The following CNTLN variants were observed in gnomAD, a reference collection of about 807,000 sequenced individuals.
CNTLN encodes centlein.
A neutral mutation model predicts 180.0 loss-of-function variants in CNTLN; 212 were observed. That is an observed-to-expected ratio of 1.18 (90% CI 1.05 to 1.32). The LOEUF (loss-of-function observed/expected upper bound fraction) is 1.32. Among genes scored for constraint, CNTLN ranks in the 40% most tolerant of loss-of-function variants. CNTLN has a pLI of 0.00. For missense variants in CNTLN, 2,095 were observed against 1,610.9 expected, an observed-to-expected ratio of 1.30 and a Z score of -5.14; for synonymous variants, 722 against 563.1, an observed-to-expected ratio of 1.28 and a Z score of -3.99.
intron 5 of CNTLN, among the ~76,000 whole-genome samples, chr9:17,270,714 A>G (rs1827871868): frequency 6.6e-6 from 1 of 152,130 alleles, no homozygotes; most frequent in South Asian, 2.1e-4. Flanking sequence ...CTTTAGGACC[A>G]GATAAGGTGT....
At chr9:17,393,456 T>C (rs1313835514) in intron 14 of CNTLN, among the ~76,000 whole-genome samples, 1 of 152,238 alleles carries the variant, frequency 6.6e-6, no homozygotes, top group Admixed American at 6.5e-5. Flanking sequence ...TTGTTCATTT[T>C]CCATACACGT....
At chr9:17,472,208 ATACT>A (rs1374822000) in intron 23 of CNTLN, among the ~76,000 whole-genome samples, 1 of 152,114 alleles carries the variant, frequency 6.6e-6, no homozygotes, top group Non-Finnish European at 1.5e-5. Flanking sequence ...CTCTTTAATG[ATACT>A]TACATGGTAC....
At chr9:17,403,801 A>T (rs950756789) in intron 15 of CNTLN, among the ~76,000 whole-genome samples, 1 of 151,666 alleles carries the variant, frequency 6.6e-6, no homozygotes, top group Non-Finnish European at 1.5e-5. Flanking sequence ...TTTGAGACAG[A>T]GTCTCGCTCT....
intron 18 of CNTLN, among the ~76,000 whole-genome samples, chr9:17,434,164 A>T (rs1829615548): frequency 6.6e-6 from 1 of 152,138 alleles, no homozygotes; most frequent in South Asian, 2.1e-4. Context: ...TGCTAGAAAC[A>T]ACAATTTAGT....
At chr9:17,406,800 ATT>A (rs1827427173) in intron 15 of CNTLN, among the ~76,000 whole-genome samples, 1 of 151,818 alleles carries the variant, frequency 6.6e-6, no homozygotes, top group Admixed American at 6.6e-5. Flanking sequence ...TGAATAAAGA[ATT>A]ATAAAGAGAA....
chr9:17,149,192 C>T (rs1818666180), intron 2 of CNTLN, among the ~76,000 whole-genome samples: 1 of 152,080 alleles, frequency 6.6e-6, no homozygotes, highest in African/African-American at 2.4e-5. Context: ...GTATATGTGC[C>T]ACATTTTCTT....
chr9:17,161,558 T>C (rs1819679264), intron 2 of CNTLN, among the ~76,000 whole-genome samples: 3 of 152,224 alleles, frequency 2.0e-5, no homozygotes, highest in Admixed American at 1.3e-4. Context: ...TTTCTTTGAA[T>C]AACTACAAAT....
intron 2 of CNTLN, among the ~76,000 whole-genome samples, chr9:17,213,485 C>G (rs1211236855): frequency 6.6e-6 from 1 of 152,094 alleles, no homozygotes. Context: ...ACTATGTGGT[C>G]AATTTTGGAA....
At chr9:17,492,532 G>C (rs1833220994) in intron 25 of CNTLN, among the ~76,000 whole-genome samples, 1 of 152,088 alleles carries the variant, frequency 6.6e-6, no homozygotes. Flanking sequence ...GTCAGCATGG[G>C]AAACAAATGG....
chr9:17,368,786 C>A (rs1282742598), intron 13 of CNTLN, among the ~76,000 whole-genome samples: 2 of 152,202 alleles, frequency 1.3e-5, no homozygotes, highest in Non-Finnish European at 2.9e-5. Flanking sequence ...CCCAGTCTTA[C>A]TGGACTTGGG....
In CNTLN at chr9:17,342,528, CTT is replaced by C. The variant is rs1316321218; in HGVS notation, c.1886+86_1886+87del. 4 of 1,206,260 alleles carry C rather than the reference CTT, an allele frequency of 3.3e-6. No homozygotes were observed. In the African/African-American group the frequency reaches 6.3e-5, roughly 19 times the overall value. The allele number at this position is 1,206,260 out of a possible 1,614,324, so 74.7% of individuals were successfully genotyped here. ...TGGCTTAAAAGCTATTAAAGAAACA[CTT>C]TATAAAATTTGAAATAATCTGATTT... On this transcript the variant is annotated intron_variant, in intron 12 of 25. Coordinates refer to ENST00000380647, the MANE Select transcript of CNTLN (RefSeq NM_017738.4).
intron 18 of CNTLN, among the ~76,000 whole-genome samples, chr9:17,429,614 A>G (rs1829295094): frequency 6.6e-6 from 1 of 152,020 alleles, no homozygotes; most frequent in Non-Finnish European, 1.5e-5. Context: ...TCCATGAGTT[A>G]ATTGGATAAG....
At chr9:17,304,099 C>A (rs1818547645) in intron 7 of CNTLN, among the ~76,000 whole-genome samples, 1 of 151,994 alleles carries the variant, frequency 6.6e-6, no homozygotes. Flanking sequence ...AAACAGTTGT[C>A]CCAGGTGGTA....
chr9:17,394,080 G>C (rs1440096074), intron 14 of CNTLN, among the ~76,000 whole-genome samples: 1 of 151,816 alleles, frequency 6.6e-6, no homozygotes, highest in Non-Finnish European at 1.5e-5. Context: ...TTCTAATTTA[G>C]AAAAAAAGCA....
intron 13 of CNTLN, among the ~76,000 whole-genome samples, chr9:17,366,948 G>A (rs1823872583): frequency 6.6e-6 from 1 of 152,090 alleles, no homozygotes; most frequent in Non-Finnish European, 1.5e-5. Context: ...CAGCAAGATG[G>A]CCAAATAGAA....
chr9:17,309,612 G>A (rs948753819), intron 8 of CNTLN, among the ~76,000 whole-genome samples: 2 of 151,940 alleles, frequency 1.3e-5, no homozygotes, highest in Admixed American at 6.6e-5. Flanking sequence ...TAAAGTACTT[G>A]CCATAATGCC....
At chr9:17,169,738 A>G (rs1224452727) in intron 2 of CNTLN, among the ~76,000 whole-genome samples, 2 of 151,968 alleles carry the variant, frequency 1.3e-5, no homozygotes, top group African/African-American at 2.4e-5. Context: ...CAGATTCTCT[A>G]TTCTGTTCAA....
chr9:17,202,581 C>T (rs1006488370), intron 2 of CNTLN, among the ~76,000 whole-genome samples: 3 of 139,362 alleles, frequency 2.2e-5, no homozygotes, highest in Non-Finnish European at 4.7e-5. Context: ...TAATGCCCTT[C>T]TTTGTCTTTT....
At chr9:17,155,661 A>C (rs947647049) in intron 2 of CNTLN, among the ~76,000 whole-genome samples, 8 of 152,096 alleles carry the variant, frequency 5.3e-5, no homozygotes, top group Admixed American at 3.9e-4. Flanking sequence ...CTGTGCTGGC[A>C]GCCAGAATTT....
Sources: allele counts gnomAD v4.1 joint callset (sites outside exome capture counted in the v4.1 genomes callset), GRCh38; gene constraint gnomAD v4.1.1; transcripts MANE v1.5; gene names NCBI Gene and HGNC (gene_info 2026-07-23, HGNC 2026-07-21).